Variants in ITPR2 observed in about 807,000 individuals in gnomAD.
ITPR2 encodes the protein inositol 1,4,5-trisphosphate receptor type 2.
Under a neutral mutation model 317.1 loss-of-function variants are expected in ITPR2, and 207 were observed. The observed-to-expected ratio is 0.65, with a 90% CI of 0.58 to 0.73. The LOEUF is 0.73. ITPR2 is among the 30% of genes least tolerant of loss of function. The probability of loss-of-function intolerance (pLI) is 0.00; values close to 1 mark genes in which losing one functional copy is unlikely to be tolerated. For synonymous variants in ITPR2, 1,156 were observed against 1,149.1 expected (o/e 1.01, Z -0.12); for missense variants, 2,613 against 3,284.0 (o/e 0.80, Z 4.99).
intron 45 of ITPR2, among the ~76,000 whole-genome samples, chr12:26,469,988 C>G (rs1302608969): frequency 6.6e-6 from 1 of 152,122 alleles, no homozygotes; most frequent in Non-Finnish European, 1.5e-5. Context: ...GCCCAACTGG[C>G]AAGTCAGCGG....
At chr12:26,596,119 A>C (rs549608499) in intron 31 of ITPR2, among the ~76,000 whole-genome samples, 21 of 152,326 alleles carry the variant, frequency 1.4e-4, no homozygotes, top group African/African-American at 4.8e-4. Context: ...TATTTTCAAG[A>C]ATGCATCTAT....
intron 14 of ITPR2, 145 bp downstream of exon 14, chr12:26,665,765 A>C (rs1340855043): frequency 2.8e-6 from 2 of 708,038 alleles, no homozygotes; most frequent in Non-Finnish European, 4.6e-6. Flanking sequence ...ACTCCACAGA[A>C]ACTGTGAGAC....
chr12:26,516,633 T>C (rs891847156), intron 37 of ITPR2, among the ~76,000 whole-genome samples: 6 of 152,182 alleles, frequency 3.9e-5, no homozygotes, highest in African/African-American at 9.6e-5. Flanking sequence ...AATTTTTATA[T>C]GCACTTTTTA....
chr12:26,468,618 A>G (rs1565543893), intron 45 of ITPR2, among the ~76,000 whole-genome samples: 1 of 151,880 alleles, frequency 6.6e-6, no homozygotes, highest in East Asian at 1.9e-4. Context: ...CGTAAGCTCC[A>G]GTGGCAGAAA....
At chr12:26,444,918 A>G (rs189944414) in intron 45 of ITPR2, among the ~76,000 whole-genome samples, 105 of 152,198 alleles carry the variant, frequency 6.9e-4, no homozygotes, top group Non-Finnish European at 9.3e-4. Context: ...ACTATTTCCT[A>G]TTTTCTATTT....
chr12:26,530,698 G>T (rs1943922958), intron 37 of ITPR2, among the ~76,000 whole-genome samples: 1 of 152,124 alleles, frequency 6.6e-6, no homozygotes, highest in Non-Finnish European at 1.5e-5. Context: ...TATGGATGTG[G>T]TTGTGGGTAG....
At chr12:26,768,696 G>T (rs970702082) in intron 2 of ITPR2, among the ~76,000 whole-genome samples, 1 of 151,156 alleles carries the variant, frequency 6.6e-6, no homozygotes, top group African/African-American at 2.4e-5. Context: ...CCCACATCTG[G>T]GTCCTTAATT....
At chr12:26,565,868 GGAGGA>G (rs1360815446) in intron 34 of ITPR2, among the ~76,000 whole-genome samples, 1 of 40,266 alleles carries the variant, frequency 2.5e-5, no homozygotes, top group Admixed American at 2.2e-4. Flanking sequence ...AGAGGGGAGG[GGAGGA>G]GAGGAGAGGG....
At chr12:26,686,437 T>C (rs1592037344) in intron 11 of ITPR2, 44 bp downstream of exon 11, 2 of 1,334,996 alleles carry the variant, frequency 1.5e-6, no homozygotes, top group Non-Finnish European at 2.1e-6. Context: ...CACCTACTGG[T>C]ATAATTATTC....
intron 32 of ITPR2, among the ~76,000 whole-genome samples, chr12:26,594,377 G>T (rs1288300490): frequency 1.3e-5 from 2 of 151,910 alleles, no homozygotes; most frequent in Non-Finnish European, 2.9e-5. Context: ...TGAGTCTACA[G>T]GCAGTGAAAG....
chr12:26,812,558 G>A lies in ITPR2; in HGVS notation c.92+20132C>T, dbSNP rs573283594. Among the ~76,000 whole-genome samples, 192 of 152,134 alleles carry A rather than the reference G, an allele frequency of 1.3e-3. 1 individual carries two copies. The highest frequency in any genetic ancestry group is 2.3e-3 in the South Asian group (11 of 4,816). ...TGCACCACTGCACTCCAGCCTGGGC[G>A]ACAGAGCGAGACTCCGTCTCAAAAA... On this transcript the variant is annotated intron_variant, in intron 1 of 56. Transcript: ENST00000381340.
At chr12:26,342,100 C>A (rs905377679) in intron 55 of ITPR2, among the ~76,000 whole-genome samples, 5 of 152,032 alleles carry the variant, frequency 3.3e-5, no homozygotes, top group African/African-American at 1.2e-4. Context: ...CACACACAGC[C>A]CAAGTGGATG....
chr12:26,554,771 T>G (rs1011934671), intron 36 of ITPR2, among the ~76,000 whole-genome samples: 1 of 152,050 alleles, frequency 6.6e-6, no homozygotes, highest in African/African-American at 2.4e-5. Flanking sequence ...TCCTATTATC[T>G]TTGCTTTTTT....
At chr12:26,784,390 T>A (rs1225794741) in intron 2 of ITPR2, among the ~76,000 whole-genome samples, 2 of 144,628 alleles carry the variant, frequency 1.4e-5, no homozygotes, top group African/African-American at 5.1e-5. Context: ...ACGGTCTCCC[T>A]CTGATGCCGA....
intron 52 of ITPR2, among the ~76,000 whole-genome samples, chr12:26,409,740 T>C (rs1349259298): frequency 3.3e-5 from 5 of 152,146 alleles, no homozygotes; most frequent in Non-Finnish European, 5.9e-5. Flanking sequence ...AATAAATATA[T>C]TGCTTGACAG....
chr12:26,516,847 G>A (rs1159049566), intron 37 of ITPR2, among the ~76,000 whole-genome samples: 2 of 151,664 alleles, frequency 1.3e-5, no homozygotes, highest in Non-Finnish European at 2.9e-5. Context: ...AATAAAATGG[G>A]TATTTCAAAA....
chr12:26,489,945 AG>A (rs1942760197), intron 39 of ITPR2, among the ~76,000 whole-genome samples: 1 of 152,212 alleles, frequency 6.6e-6, no homozygotes, highest in Non-Finnish European at 1.5e-5. Context: ...GCAAGGAATA[AG>A]ATTTGAGCTA....
At chr12:26,820,523 T>C (rs1448571766) in intron 1 of ITPR2, among the ~76,000 whole-genome samples, 1 of 152,100 alleles carries the variant, frequency 6.6e-6, no homozygotes, top group African/African-American at 2.4e-5. Flanking sequence ...TAAGATTATA[T>C]GGAGGAAGGA....
Position 26,724,750 on chromosome 12 carries a change from A to T in ITPR2, c.280-8T>A, listed in dbSNP as rs1453097047. ...TTCCAGTTCTGCAGCGTGCTATAAG[A>T]TGATTATCAAATATTCAGTGTAGAA... On this transcript the variant is annotated splice_region_variant and splice_polypyrimidine_tract_variant and intron_variant, in intron 3 of 56. Coordinates refer to ENST00000381340, the MANE Select transcript of ITPR2 (RefSeq NM_002223.4). 2 of 1,587,496 alleles carry T rather than the reference A, an allele frequency of 1.3e-6. No homozygotes were observed. The highest frequency in any genetic ancestry group is 2.7e-5 in the African/African-American group (2 of 74,300).
Sources: gnomAD v4.1 joint callset for allele counts (sites outside exome capture counted in the v4.1 genomes callset) on GRCh38, gnomAD v4.1.1 for gene constraint, MANE v1.5 for transcripts, NCBI Gene and HGNC (gene_info 2026-07-23, HGNC 2026-07-21) for gene names.